Variants in MACROD2 observed in about 807,000 individuals in gnomAD.
The protein encoded by MACROD2 is mono-ADP ribosylhydrolase 2, also known as ADP-ribose glycohydrolase MACROD2.
In MACROD2, 36 loss-of-function variants were observed where a neutral mutation model predicts 70.4. The ratio of observed to expected loss-of-function variants is 0.51; its 90% confidence interval spans 0.39 to 0.68. MACROD2 has a LOEUF of 0.68. MACROD2 is among the 30% of genes least tolerant of loss of function. The pLI is 0.00. For synonymous variants in MACROD2, 172 were observed against 178.8 expected (o/e 0.96, Z 0.30); for missense variants, 496 against 538.4 (o/e 0.92, Z 0.78).
chr20:15,938,357 C>A (rs1218849318), intron 12 of MACROD2, among the ~76,000 whole-genome samples: 2 of 152,158 alleles, frequency 1.3e-5, no homozygotes, highest in Non-Finnish European at 2.9e-5. Flanking sequence ...TCTGTCGGCA[C>A]CATCTTTCCA....
At position 15,933,256 on chromosome 20, in the gene MACROD2, C is replaced by G. The variant is rs1246993816; in HGVS notation, c.776-20C>G. ...AAATTGACTTGATGCATTTTTTTTC[C>G]TCTGTGGTTTTCTTGAAAGATGAGA... On this transcript the variant is annotated intron_variant, in intron 10 of 17. Transcript: ENST00000684519. 1.9e-6 allele frequency: 3 copies of G among 1,608,306 alleles called. No individual in the cohort carries two copies. The highest frequency in any genetic ancestry group is 1.7e-5 in the Admixed American group (1 of 58,918).
chr20:15,058,839 T>C (rs972872796), intron 5 of MACROD2, among the ~76,000 whole-genome samples: 5 of 152,178 alleles, frequency 3.3e-5, no homozygotes, highest in Non-Finnish European at 7.3e-5. Context: ...AGTACCTACA[T>C]GTGAGAGAGT....
intron 7 of MACROD2, among the ~76,000 whole-genome samples, chr20:15,461,006 A>ATATATAT: frequency 1.6e-4 from 11 of 67,016 alleles, no homozygotes; most frequent in African/African-American, 4.6e-4. Flanking sequence ...ATATATATAT[A>ATATATAT]TTTTTTTTTA....
chr20:14,254,074 T>C (rs1022388903), intron 3 of MACROD2, among the ~76,000 whole-genome samples: 5 of 152,132 alleles, frequency 3.3e-5, no homozygotes, highest in African/African-American at 1.2e-4. Flanking sequence ...TATGCAAATA[T>C]ATTAACATGG....
chr20:14,334,404 A>T (rs901758885), intron 3 of MACROD2, among the ~76,000 whole-genome samples: 39 of 152,224 alleles, frequency 2.6e-4, no homozygotes, highest in African/African-American at 9.4e-4. Flanking sequence ...AATTTTTGAA[A>T]TGGTGGAATG....
At chr20:15,525,905 G>A (rs2047715251) in intron 8 of MACROD2, among the ~76,000 whole-genome samples, 1 of 152,168 alleles carries the variant, frequency 6.6e-6, no homozygotes, top group Admixed American at 6.5e-5. Context: ...TCTACTGGCT[G>A]CCATGGCTGA....
intron 5 of MACROD2, among the ~76,000 whole-genome samples, chr20:15,165,509 T>A (rs2076377706): frequency 6.6e-6 from 1 of 152,118 alleles, no homozygotes; most frequent in African/African-American, 2.4e-5. Context: ...GATGAACAAA[T>A]AGGATCCTTG....
chr20:15,229,826 C>T, intron 5 of MACROD2, 114 bp from the exon 6 acceptor site: 2 of 1,111,480 alleles, frequency 1.8e-6, no homozygotes, highest in Non-Finnish European at 2.4e-6. Context: ...TATTGCTTAG[C>T]TTGCTTGTCT....
intron 6 of MACROD2, among the ~76,000 whole-genome samples, chr20:15,413,724 G>C (rs544240694): frequency 6.6e-6 from 1 of 152,164 alleles, no homozygotes; most frequent in Non-Finnish European, 1.5e-5. Flanking sequence ...GTTCATAATG[G>C]TCTATGCCTT....
chr20:14,987,289 A>G (rs1410375785), intron 5 of MACROD2, among the ~76,000 whole-genome samples: 2 of 152,162 alleles, frequency 1.3e-5, no homozygotes, highest in East Asian at 1.9e-4. Flanking sequence ...TGATAGTAAA[A>G]TCTACCTTAT....
At chr20:15,566,855 C>T (rs1031124053) in intron 8 of MACROD2, among the ~76,000 whole-genome samples, 1 of 152,194 alleles carries the variant, frequency 6.6e-6, no homozygotes, top group African/African-American at 2.4e-5. Flanking sequence ...ACCATAGTTA[C>T]ACTGTTTCCT....
At chr20:15,239,522 G>A (rs1389303342) in intron 6 of MACROD2, among the ~76,000 whole-genome samples, 1 of 152,058 alleles carries the variant, frequency 6.6e-6, no homozygotes, top group African/African-American at 2.4e-5. Flanking sequence ...TATCAAAGTG[G>A]TATAGTTTGA....
At chr20:14,667,458 T>C (rs2070747944) in intron 4 of MACROD2, among the ~76,000 whole-genome samples, 1 of 152,184 alleles carries the variant, frequency 6.6e-6, no homozygotes, top group Non-Finnish European at 1.5e-5. Flanking sequence ...GTAAATTTCA[T>C]TGCATATTTT....
intron 5 of MACROD2, among the ~76,000 whole-genome samples, chr20:15,118,789 T>A (rs1053492925): frequency 6.6e-6 from 1 of 152,240 alleles, no homozygotes; most frequent in South Asian, 2.1e-4. Flanking sequence ...TTTACTTTTT[T>A]AAAAATTAAC....
At chr20:14,905,315 G>A (rs1179748095) in intron 5 of MACROD2, 2 of 152,094 alleles carry the variant, frequency 1.3e-5, no homozygotes, top group African/African-American at 2.4e-5. Context: ...CATGAGCTGG[G>A]AATCAGGGAA....
At chr20:14,471,352 G>A (rs1035957842) in intron 3 of MACROD2, among the ~76,000 whole-genome samples, 3 of 152,186 alleles carry the variant, frequency 2.0e-5, no homozygotes, top group African/African-American at 7.2e-5. Context: ...GATGTAGACC[G>A]GAGCTGTTCC....
intron 3 of MACROD2, among the ~76,000 whole-genome samples, chr20:14,399,406 C>T (rs1297020792): frequency 6.6e-6 from 1 of 152,030 alleles, no homozygotes; most frequent in Non-Finnish European, 1.5e-5. Context: ...TATCCCTTCA[C>T]TGTTTTTGGC....
chr20:15,024,622 T>A (rs1489658988), intron 5 of MACROD2, among the ~76,000 whole-genome samples: 1 of 151,970 alleles, frequency 6.6e-6, no homozygotes, highest in Admixed American at 6.6e-5. Context: ...ATTATATTTT[T>A]AAAATAAATT....
At chr20:14,380,212 C>G (rs548418036) in intron 3 of MACROD2, among the ~76,000 whole-genome samples, 1 of 152,206 alleles carries the variant, frequency 6.6e-6, no homozygotes, top group Admixed American at 6.5e-5. Flanking sequence ...TGATATTGAG[C>G]ATCATTTCAT....
Sources: gnomAD v4.1 joint callset for allele counts (sites outside exome capture counted in the v4.1 genomes callset) on GRCh38, gnomAD v4.1.1 for gene constraint, MANE v1.5 for transcripts, NCBI Gene and HGNC (gene_info 2026-07-23, HGNC 2026-07-21) for gene names.